PPP1R12A: variants seen among roughly 807,000 people sequenced by gnomAD.
The protein encoded by PPP1R12A is protein phosphatase 1 regulatory subunit 12A, also known as myosin binding subunit.
Under a neutral mutation model 139.6 loss-of-function variants are expected in PPP1R12A, and 19 were observed. The ratio of observed to expected loss-of-function variants is 0.14; its 90% CI spans 0.09 to 0.20. The LOEUF (loss-of-function observed/expected upper bound fraction) is 0.20, where lower values mean the gene tolerates loss of function less well. Ranked by LOEUF, PPP1R12A falls within the 10% of genes least tolerant of loss-of-function variation. The probability of loss-of-function intolerance (pLI) is 1.00; values close to 1 mark genes in which losing one functional copy is unlikely to be tolerated. For synonymous variants in PPP1R12A, 427 were observed against 420.6 expected, an observed-to-expected ratio of 1.02 and a Z score of -0.19; for missense variants, 925 against 1,211.5, an observed-to-expected ratio of 0.76 and a Z score of 3.51.
rs1339869100 is a variant in PPP1R12A, at chr12:79,878,279, T to C, written c.238-5341A>G. 2.0e-5 allele frequency: 3 copies of C among 152,118 alleles called. No individual in the cohort carries two copies. The East Asian group carries it at 5.8e-4, about 29-fold the overall frequency. 9.4% of individuals were successfully genotyped at this position (152,118 alleles called of 1,614,324 possible). On this transcript the variant is annotated intron_variant, in intron 1 of 24. Coordinates refer to ENST00000450142, the MANE Select transcript of PPP1R12A (RefSeq NM_002480.3). ...TTAAAATACCTATTCCTTTAACTTC[T>C]ATGTCTTGCCTCCTGAAGTTCCACA... is the stretch of plus-strand genomic sequence containing the variant.
At position 79,934,977 on chromosome 12, in the gene PPP1R12A, G is replaced by A; in HGVS notation, c.-46C>T. On this transcript the variant is annotated 5_prime_UTR_variant, in exon 1 of 25. Transcript: ENST00000450142. ...CTTCTTATCGCGAGGGGGGGAAGGGGGAGGCGGAGAGGGAAGAGAGGGGAG... is the reference window on the plus strand; with the variant it reads ...CTTCTTATCGCGAGGGGGGGAAGGGAGAGGCGGAGAGGGAAGAGAGGGGAG... The A allele has an allele frequency of 6.5e-7, 1 of 1,536,140 alleles. No individual in the cohort carries two copies. The highest frequency in any genetic ancestry group is 8.8e-7 in the Non-Finnish European group (1 of 1,138,178).
intron 1 of PPP1R12A, among the ~76,000 whole-genome samples, chr12:79,891,620 T>A (rs1038010082): frequency 1.3e-5 from 2 of 152,334 alleles, no homozygotes; most frequent in South Asian, 4.1e-4. Flanking sequence ...CACACACTTG[T>A]GTAACTGCCT....
In PPP1R12A at chr12:79,817,840, C is replaced by G. The variant is rs11838288; in HGVS notation, c.1115-322G>C. 9.7e-3 allele frequency among the ~76,000 whole-genome samples: 1,483 copies of G among 152,208 alleles called. 30 individuals carry two copies. The highest frequency in any genetic ancestry group is 0.034 in the African/African-American group (1,428 of 41,526). On this transcript the variant is annotated intron_variant, in intron 8 of 24. Transcript: ENST00000450142. ...GATTTAAAACTTGAATGCATGAATG[C>G]AATGTAACTAAAACCTTAACAGTAG...
intron 3 of PPP1R12A, among the ~76,000 whole-genome samples, chr12:79,841,837 T>C (rs185631888): frequency 6.6e-5 from 10 of 152,334 alleles, no homozygotes; most frequent in Non-Finnish European, 1.3e-4. Context: ...CTAAAACACT[T>C]GTCTAGAACA....
At chr12:79,868,640 T>A (rs1208573168) in intron 2 of PPP1R12A, among the ~76,000 whole-genome samples, 21 of 152,154 alleles carry the variant, frequency 1.4e-4, no homozygotes, top group Admixed American at 1.4e-3. Context: ...TGTCTCTTTT[T>A]TGTCCCAATG....
chr12:79,920,051 C>T (rs150371701), intron 1 of PPP1R12A, among the ~76,000 whole-genome samples: 8 of 152,328 alleles, frequency 5.3e-5, no homozygotes, highest in African/African-American at 1.9e-4. Context: ...TAGTTTCTGG[C>T]AACCATTTAT....
intron 3 of PPP1R12A, among the ~76,000 whole-genome samples, chr12:79,844,107 T>G (rs1879107663): frequency 6.6e-6 from 1 of 152,048 alleles, no homozygotes; most frequent in Non-Finnish European, 1.5e-5. Context: ...ATTCAATGGT[T>G]TTTTTTTAGT....
intron 18 of PPP1R12A, among the ~76,000 whole-genome samples, 161 bp downstream of exon 18, chr12:79,795,477 C>T (rs749298142): frequency 2.9e-4 from 44 of 151,986 alleles, no homozygotes; most frequent in Middle Eastern, 3.2e-3. Context: ...AGTTAACTAT[C>T]CTTAAAAATA....
intron 2 of PPP1R12A, among the ~76,000 whole-genome samples, chr12:79,864,642 CA>C (rs1881756041): frequency 6.6e-6 from 1 of 152,174 alleles, no homozygotes; most frequent in Admixed American, 6.5e-5. Context: ...AAGTGGTCAT[CA>C]CCACCAATCC....
At chr12:79,933,355 A>G (rs919706902) in intron 1 of PPP1R12A, among the ~76,000 whole-genome samples, 1 of 152,236 alleles carries the variant, frequency 6.6e-6, no homozygotes, top group African/African-American at 2.4e-5. Flanking sequence ...TCCCTTAAAC[A>G]GTAAGCAGGA....
chr12:79,807,863 C>G (rs915663650), intron 11 of PPP1R12A, among the ~76,000 whole-genome samples: 1 of 151,456 alleles, frequency 6.6e-6, no homozygotes, highest in Non-Finnish European at 1.5e-5. Flanking sequence ...ATGGTGAAAC[C>G]CTGTCTCTAC....
rs1474186144 is a variant in PPP1R12A at position 79,774,247 on chromosome 12, A to C, written c.*1682T>G. ...AACTATCCTTGTACCTTTAAAATCA[A>C]GAATCCTGAGCTTGGTAGTAAGAGC... On this transcript the variant is annotated 3_prime_UTR_variant, in exon 25 of 25. Transcript: ENST00000450142. 1 of 152,416 alleles carries C rather than the reference A, an allele frequency of 6.6e-6. No homozygotes were observed. The highest frequency in any genetic ancestry group is 2.4e-5 in the African/African-American group (1 of 41,462). The allele number at this position is 152,416 out of a possible 1,614,324, so 9.4% of individuals were successfully genotyped here. A position where few individuals can be genotyped will look rare whatever the true frequency, so the allele number is the denominator to read the frequency against.
At chr12:79,841,989 C>T (rs1878768035) in intron 3 of PPP1R12A, among the ~76,000 whole-genome samples, 1 of 151,480 alleles carries the variant, frequency 6.6e-6, no homozygotes, top group Non-Finnish European at 1.5e-5. Context: ...TATTTATTTT[C>T]TCAGTTTTCA....
chr12:79,810,296 C>A (rs754797408), intron 9 of PPP1R12A, among the ~76,000 whole-genome samples: 15 of 152,254 alleles, frequency 9.9e-5, no homozygotes, highest in Non-Finnish European at 1.9e-4. Context: ...GAAATGAGCA[C>A]ACCATAAGGA....
chr12:79,928,350 T>C (rs1238415767), intron 1 of PPP1R12A, among the ~76,000 whole-genome samples: 1 of 152,190 alleles, frequency 6.6e-6, no homozygotes, highest in Non-Finnish European at 1.5e-5. Flanking sequence ...AGCAGCAGTG[T>C]GGGCACTGGT....
chr12:79,867,329 G>A (rs188114169), intron 2 of PPP1R12A, among the ~76,000 whole-genome samples: 1 of 152,186 alleles, frequency 6.6e-6, no homozygotes, highest in Admixed American at 6.5e-5. Flanking sequence ...GGGGTGGGGG[G>A]TCAGGGGAAG....
Position 79,828,469 on chromosome 12 carries a change from A to G in PPP1R12A, c.648-5T>C. 2 of 1,583,086 alleles carry G rather than the reference A, an allele frequency of 1.3e-6. No individual in the cohort carries two copies. The highest frequency in any genetic ancestry group is 8.6e-7 in the Non-Finnish European group (1 of 1,158,316). ...TAGCCTGCCTGTATTAAAAGTCTAA[A>G]GAAATTACAGTGAATTAGACAATCA... On this transcript the variant is annotated splice_region_variant and splice_polypyrimidine_tract_variant and intron_variant, in intron 4 of 24. Transcript: ENST00000450142.
intron 1 of PPP1R12A, among the ~76,000 whole-genome samples, chr12:79,929,654 A>G (rs1435407399): frequency 6.6e-6 from 1 of 152,002 alleles, no homozygotes; most frequent in Admixed American, 6.6e-5. Flanking sequence ...CCGTAATCCC[A>G]GCTACTTGGG....
chr12:79,931,306 CTTAAAAGACATTA>C (rs1888236657), intron 1 of PPP1R12A, among the ~76,000 whole-genome samples: 1 of 152,100 alleles, frequency 6.6e-6, no homozygotes, highest in Admixed American at 6.5e-5. Flanking sequence ...TATATTACTA[CTTAAAAGACATTA>C]TTAAATATAA....
Sources: allele counts gnomAD v4.1 joint callset (sites outside exome capture counted in the v4.1 genomes callset), GRCh38; gene constraint gnomAD v4.1.1; transcripts MANE v1.5; gene names NCBI Gene and HGNC (gene_info 2026-07-23, HGNC 2026-07-21).